The following COX10 variants were observed in gnomAD, a reference collection of about 807,000 sequenced individuals.
COX10 encodes the protein protoheme IX farnesyltransferase, mitochondrial.
Under a neutral mutation model 37.3 loss-of-function variants are expected in COX10, and 27 were observed. The ratio of observed to expected loss-of-function variants is 0.72; its 90% CI spans 0.53 to 1.00. COX10 has a LOEUF of 1.00. Ranked by LOEUF, COX10 falls within the 50% of genes least tolerant of loss-of-function variation. COX10 has a pLI of 0.00. For missense variants in COX10, 475 were observed against 563.2 expected, an observed-to-expected ratio of 0.84 and a Z score of 1.59; for synonymous variants, 222 against 229.1, an observed-to-expected ratio of 0.97 and a Z score of 0.28.
intron 4 of COX10, among the ~76,000 whole-genome samples, chr17:14,143,176 CTT>C (rs1241568754): frequency 1.3e-5 from 2 of 152,136 alleles, no homozygotes; most frequent in Non-Finnish European, 2.9e-5. Context: ...GTGTTGTCTT[CTT>C]AAGACCTCTT....
At chr17:14,166,218 GA>G (rs1229463243) in intron 5 of COX10, among the ~76,000 whole-genome samples, 1 of 152,178 alleles carries the variant, frequency 6.6e-6, no homozygotes, top group Non-Finnish European at 1.5e-5. Context: ...TTGATAGCTA[GA>G]GGGGAGAAGT....
chr17:14,140,512 A>G (rs1318875985), intron 4 of COX10, among the ~76,000 whole-genome samples: 1 of 152,072 alleles, frequency 6.6e-6, no homozygotes, highest in East Asian at 1.9e-4. Flanking sequence ...TTTCCTTAAT[A>G]TGTAGTTTCA....
intron 6 of COX10, among the ~76,000 whole-genome samples, chr17:14,194,348 A>G (rs2529630): frequency 7.2e-5 from 11 of 151,946 alleles, no homozygotes; most frequent in African/African-American, 1.2e-4. Context: ...TCCTCACTTA[A>G]GAGTGCACAT....
chr17:14,174,171 CAA>C (rs1187660479), intron 5 of COX10, among the ~76,000 whole-genome samples: 1 of 151,796 alleles, frequency 6.6e-6, no homozygotes, highest in Non-Finnish European at 1.5e-5. Context: ...TAAAAATAGA[CAA>C]AAGGGGCCGG....
intron 4 of COX10, among the ~76,000 whole-genome samples, chr17:14,110,725 C>T (rs898888634): frequency 2.0e-5 from 3 of 152,056 alleles, no homozygotes; most frequent in Non-Finnish European, 2.9e-5. Context: ...AGACTCCCCT[C>T]CCTGTTATCT....
At chr17:14,181,200 G>A (rs1205030314) in intron 5 of COX10, among the ~76,000 whole-genome samples, 3 of 152,154 alleles carry the variant, frequency 2.0e-5, no homozygotes, top group African/African-American at 4.8e-5. Context: ...TGTTTCAGGG[G>A]GCAAGGGGGT....
At chr17:14,142,925 G>T (rs1426023987) in intron 4 of COX10, among the ~76,000 whole-genome samples, 1 of 152,062 alleles carries the variant, frequency 6.6e-6, no homozygotes, top group Non-Finnish European at 1.5e-5. Flanking sequence ...GGGTTCTGGG[G>T]AATTACCCAA....
chr17:14,127,029 G>A (rs1281441500), intron 4 of COX10, among the ~76,000 whole-genome samples: 4 of 152,036 alleles, frequency 2.6e-5, no homozygotes, highest in Non-Finnish European at 5.9e-5. Context: ...GCAAATGACT[G>A]TCCTAAATCT....
intron 3 of COX10, among the ~76,000 whole-genome samples, chr17:14,081,778 A>T: frequency 6.6e-6 from 1 of 152,236 alleles, no homozygotes; most frequent in East Asian, 1.9e-4. Context: ...TTCTTAAAAA[A>T]TAAATTTAAT....
At chr17:14,109,509 C>G (rs1915968608) in intron 4 of COX10, among the ~76,000 whole-genome samples, 1 of 152,124 alleles carries the variant, frequency 6.6e-6, no homozygotes, top group South Asian at 2.1e-4. Context: ...TGCCACTGGT[C>G]ATTATTCGCT....
chr17:14,155,457 T>A (rs1905017722), intron 4 of COX10, among the ~76,000 whole-genome samples: 1 of 152,166 alleles, frequency 6.6e-6, no homozygotes, highest in East Asian at 1.9e-4. Context: ...GGCTCACGCC[T>A]GTAATCCTAG....
At chr17:14,077,944 A>G (rs1242240639) in intron 3 of COX10, among the ~76,000 whole-genome samples, 13 of 121,356 alleles carry the variant, frequency 1.1e-4, no homozygotes, top group Admixed American at 4.3e-4. Flanking sequence ...TTTTTTTTTT[A>G]AAGAGACTTG....
chr17:14,159,704 TTTTG>T (rs891473032), intron 4 of COX10, among the ~76,000 whole-genome samples, 169 bp from the exon 5 acceptor site: 94 of 152,138 alleles, frequency 6.2e-4, no homozygotes, highest in African/African-American at 2.1e-3. Flanking sequence ...TGTTTTGGTT[TTTTG>T]TTTGTTTGTT....
At chr17:14,083,526 T>C (rs1256897763) in intron 3 of COX10, among the ~76,000 whole-genome samples, 2 of 152,220 alleles carry the variant, frequency 1.3e-5, no homozygotes, top group Non-Finnish European at 2.9e-5. Context: ...ATAGCTGTAA[T>C]ATACGGAGGA....
At chr17:14,160,674 T>C (rs1045408483) in intron 5 of COX10, among the ~76,000 whole-genome samples, 1 of 152,138 alleles carries the variant, frequency 6.6e-6, no homozygotes, top group African/African-American at 2.4e-5. Context: ...TTAAGTAAAA[T>C]AATAAAGGAA....
intron 6 of COX10, among the ~76,000 whole-genome samples, chr17:14,197,816 G>T (rs1436444788): frequency 6.6e-6 from 1 of 152,220 alleles, no homozygotes; most frequent in Non-Finnish European, 1.5e-5. Flanking sequence ...TTCTGTCAGG[G>T]TAGTCAGGAC....
intron 1 of COX10, among the ~76,000 whole-genome samples, chr17:14,072,410 G>A (rs1172158220): frequency 4.6e-5 from 7 of 152,034 alleles, no homozygotes; most frequent in African/African-American, 1.4e-4. Context: ...TAGTAGAGAC[G>A]GGGTTTCACT....
At chr17:14,102,393 C>A in intron 4 of COX10, 151 bp downstream of exon 4, 1 of 1,182,718 alleles carries the variant, frequency 8.5e-7, no homozygotes, top group Non-Finnish European at 1.2e-6. Context: ...GGTTTCATAA[C>A]CAATTTGTCT....
At chr17:14,110,011 AAG>A (rs1319468984) in intron 4 of COX10, among the ~76,000 whole-genome samples, 1 of 152,116 alleles carries the variant, frequency 6.6e-6, no homozygotes, top group African/African-American at 2.4e-5. Flanking sequence ...TCAGAAAAAA[AAG>A]AACTATTTTG....
Sources: allele counts gnomAD v4.1 joint callset (sites outside exome capture counted in the v4.1 genomes callset), GRCh38; gene constraint gnomAD v4.1.1; transcripts MANE v1.5; gene names NCBI Gene and HGNC (gene_info 2026-07-23, HGNC 2026-07-21).